The following ZNF723 variants were observed in gnomAD, a reference collection of about 807,000 sequenced individuals.
ZNF723 encodes the protein zinc finger protein 723, pseudogene.
In ZNF723, 5 loss-of-function variants were observed where a neutral mutation model predicts 9.4. The observed-to-expected ratio is 0.53, with a 90% confidence interval of 0.28 to 1.12. The LOEUF (loss-of-function observed/expected upper bound fraction) is 1.12, where lower values mean the gene tolerates loss of function less well. Among genes scored for constraint, ZNF723 ranks in the 50% most tolerant of loss-of-function variants. The pLI is 0.10. For missense variants in ZNF723, 450 were observed against 501.5 expected, an observed-to-expected ratio of 0.90 and a Z score of 0.98; for synonymous variants, 158 against 168.8, an observed-to-expected ratio of 0.94 and a Z score of 0.49.
upstream of ZNF723, among the ~76,000 whole-genome samples, chr19:22,828,459 C>T (rs1210690332): frequency 1.3e-5 from 2 of 152,072 alleles, no homozygotes; most frequent in African/African-American, 2.4e-5. Flanking sequence ...TGGAGACCAT[C>T]ATGGCCAACA....
At chr19:22,845,763 G>A (rs1176279314) in intron 1 of ZNF723, among the ~76,000 whole-genome samples, 1 of 152,062 alleles carries the variant, frequency 6.6e-6, no homozygotes, top group East Asian at 1.9e-4. Context: ...TGGGTGTGGT[G>A]GTAGCAGGTA....
At chr19:22,817,611 C>T in the ZNF723 span, among the ~76,000 whole-genome samples, 6 of 152,008 alleles carry the variant, frequency 3.9e-5, no homozygotes, top group African/African-American at 1.4e-4. Flanking sequence ...TGTGACATAT[C>T]GCTAGCCCAA....
At chr19:22,837,351 G>T (rs1029290742) in intron 1 of ZNF723, among the ~76,000 whole-genome samples, 1 of 151,970 alleles carries the variant, frequency 6.6e-6, no homozygotes, top group Admixed American at 6.6e-5. Context: ...ATGGGCCCAT[G>T]GAGTTTGTGA....
chr19:22,841,012 G>C (rs913272839), intron 1 of ZNF723: 5 of 152,434 alleles, frequency 3.3e-5, no homozygotes, highest in Non-Finnish European at 7.3e-5. Context: ...TGTGTTGTGG[G>C]CTGTGTGTCA....
chr19:22,821,982 C>T, the ZNF723 span, among the ~76,000 whole-genome samples: 13,212 of 152,110 alleles, frequency 0.087, 1,197 homozygotes, highest in African/African-American at 0.23. Flanking sequence ...TGGTGGTGTG[C>T]GTCTGTAATC....
intron 1 of ZNF723, among the ~76,000 whole-genome samples, chr19:22,839,025 G>A (rs929138338): frequency 2.6e-5 from 4 of 152,170 alleles, no homozygotes; most frequent in Non-Finnish European, 4.4e-5. Context: ...GGGATTACGG[G>A]CATGAGCCAC....
chr19:22,853,580 TTTG>T (rs1205848544), intron 3 of ZNF723, among the ~76,000 whole-genome samples: 1 of 152,164 alleles, frequency 6.6e-6, no homozygotes, highest in African/African-American at 2.4e-5. Flanking sequence ...TTTTATGAAA[TTTG>T]TTAAGACTTT....
intron 1 of ZNF723, among the ~76,000 whole-genome samples, chr19:22,846,401 T>C (rs1599476755): frequency 1.3e-5 from 2 of 152,142 alleles, no homozygotes; most frequent in Admixed American, 6.6e-5. Flanking sequence ...GCAGGTTGGA[T>C]CACCTGAGGT....
rs535040232 is a variant in ZNF723, at chr19:22,846,378, T to C, written c.4-1883T>C. On this transcript the variant is annotated intron_variant, in intron 1 of 3. Transcript: ENST00000600766. ...TGGCTCCCACCTGTAATCCCAGCAG[T>C]TTGGGAGGCTGAGCAGGTTGGATCA... Among the ~76,000 whole-genome samples the C allele has an allele frequency of 9.9e-5, 15 of 152,156 alleles. No homozygotes were observed. In the South Asian group the frequency reaches 2.1e-3, roughly 21 times the overall value.
chr19:22,832,568 G>A (rs1400016271), intron 1 of ZNF723, among the ~76,000 whole-genome samples, 186 bp downstream of exon 1: 2 of 152,152 alleles, frequency 1.3e-5, no homozygotes, highest in African/African-American at 4.8e-5. Context: ...CCGGGCCCGA[G>A]CGTCTTGTCT....
intron 1 of ZNF723, among the ~76,000 whole-genome samples, chr19:22,845,889 C>CTTTTTTTTTTT (rs1214348571): frequency 0.014 from 1,692 of 124,188 alleles, 77 homozygotes; most frequent in African/African-American, 0.043. Context: ...AAAAATATGC[C>CTTTTTTTTTTT]TTTTTTTTTT....
the ZNF723 span, among the ~76,000 whole-genome samples, chr19:22,818,654 G>T: frequency 5.9e-4 from 90 of 152,280 alleles, 1 homozygote; most frequent in African/African-American, 2.1e-3. Context: ...GTGTAATTGT[G>T]GCATATGTTT....
At chr19:22,819,201 T>C in the ZNF723 span, among the ~76,000 whole-genome samples, 2 of 152,240 alleles carry the variant, frequency 1.3e-5, no homozygotes, top group East Asian at 3.9e-4. Flanking sequence ...GCCCAGTTCT[T>C]GCCTGAATCC....
At chr19:22,830,270 C>G (rs1967080301), upstream of ZNF723, among the ~76,000 whole-genome samples, 1 of 152,166 alleles carries the variant, frequency 6.6e-6, no homozygotes, top group South Asian at 2.1e-4. Flanking sequence ...TGTCTTGGCT[C>G]ACACAATCCT....
intron 3 of ZNF723, among the ~76,000 whole-genome samples, chr19:22,850,272 T>G (rs959854694): frequency 2.0e-4 from 30 of 152,252 alleles, no homozygotes; most frequent in African/African-American, 7.2e-4. Context: ...AATGGCACCC[T>G]CTTGGCTCAC....
intron 3 of ZNF723, among the ~76,000 whole-genome samples, chr19:22,852,418 ATC>A (rs1967410708): frequency 6.6e-6 from 1 of 152,144 alleles, no homozygotes; most frequent in South Asian, 2.1e-4. Context: ...TCATTCATAT[ATC>A]TGTTTCCAAT....
chr19:22,823,001 A>G, the ZNF723 span, among the ~76,000 whole-genome samples: 1 of 152,230 alleles, frequency 6.6e-6, no homozygotes, highest in Non-Finnish European at 1.5e-5. Context: ...TGTGACTGTT[A>G]TATTTGGATC....
At chr19:22,841,815 C>T (rs546854534) in intron 1 of ZNF723, among the ~76,000 whole-genome samples, 58 of 152,116 alleles carry the variant, frequency 3.8e-4, no homozygotes, top group Non-Finnish European at 7.5e-4. Context: ...GCTAAAATAC[C>T]CACAAATATG....
At chr19:22,820,971 T>C in the ZNF723 span, among the ~76,000 whole-genome samples, 1 of 152,206 alleles carries the variant, frequency 6.6e-6, no homozygotes, top group East Asian at 1.9e-4. Context: ...AAGTTGGAAT[T>C]GTGACTCTCA....
Sources: gnomAD v4.1 joint callset for allele counts (sites outside exome capture counted in the v4.1 genomes callset) on GRCh38, gnomAD v4.1.1 for gene constraint, MANE v1.5 for transcripts, NCBI Gene and HGNC (gene_info 2026-07-23, HGNC 2026-07-21) for gene names.